Variants in CHODL observed in about 807,000 individuals in gnomAD.
CHODL encodes the protein chondrolectin, also known as transmembrane protein MT75.
A neutral mutation model predicts 34.5 loss-of-function variants in CHODL; 29 were observed. That is an observed-to-expected ratio of 0.84 (90% confidence interval 0.63 to 1.15). CHODL has a LOEUF of 1.15. Ranked by LOEUF, CHODL falls within the 50% of genes most tolerant of loss-of-function variation. CHODL has a pLI of 0.00. For synonymous variants in CHODL, 125 were observed against 116.1 expected, an observed-to-expected ratio of 1.08 and a Z score of -0.49; for missense variants, 332 against 332.5, an observed-to-expected ratio of 1.00 and a Z score of 0.01.
chr21:18,145,274 A>G (rs2072861794), intron 2 of CHODL, among the ~76,000 whole-genome samples: 1 of 146,830 alleles, frequency 6.8e-6, no homozygotes, highest in Non-Finnish European at 1.5e-5. Context: ...CGTCTCTACT[A>G]AAAATACAAA....
intron 2 of CHODL, among the ~76,000 whole-genome samples, chr21:18,033,471 T>C (rs2025206208): frequency 6.6e-6 from 1 of 152,084 alleles, no homozygotes; most frequent in South Asian, 2.1e-4. Context: ...CATAGCATCC[T>C]GCCACAAAAT....
At chr21:18,192,875 G>T (rs955699944) in intron 2 of CHODL, among the ~76,000 whole-genome samples, 9 of 151,348 alleles carry the variant, frequency 5.9e-5, no homozygotes, top group Admixed American at 5.3e-4. Context: ...TTTATGAAAA[G>T]AAAAGAAAGA....
intron 2 of CHODL, among the ~76,000 whole-genome samples, chr21:18,082,387 A>T (rs1364652298): frequency 6.6e-6 from 1 of 152,208 alleles, no homozygotes; most frequent in Non-Finnish European, 1.5e-5. Flanking sequence ...AGAAGTGTGA[A>T]AATTGACTAA....
chr21:18,267,302 G>A lies in CHODL; in HGVS notation c.*1264G>A, dbSNP rs981351911. On this transcript the variant is annotated 3_prime_UTR_variant, in exon 6 of 6. Coordinates refer to ENST00000299295, the MANE Select transcript of CHODL (RefSeq NM_024944.3). Reference sequence around the variant, plus strand: ...GCCTTGTTCTTCTCAAGAGAAAGTTGTAACTCTCTGGTCTTCATATGTCCC... The same window carrying A: ...GCCTTGTTCTTCTCAAGAGAAAGTTATAACTCTCTGGTCTTCATATGTCCC... 6.6e-6 allele frequency: 1 copy of A among 152,142 alleles called. No individual in the cohort carries two copies. The highest frequency in any genetic ancestry group is 2.4e-5 in the African/African-American group (1 of 41,434). The allele number at this position is 152,142 out of a possible 1,614,324, so 9.4% of individuals were successfully genotyped here.
intron 2 of CHODL, among the ~76,000 whole-genome samples, chr21:18,133,470 C>T (rs2072682461): frequency 6.6e-6 from 1 of 152,082 alleles, no homozygotes; most frequent in Non-Finnish European, 1.5e-5. Context: ...TTCACATACC[C>T]ATGCACACAC....
intron 1 of CHODL, among the ~76,000 whole-genome samples, chr21:17,975,659 A>C (rs573415254): frequency 1.3e-5 from 2 of 152,166 alleles, no homozygotes; most frequent in African/African-American, 4.8e-5. Flanking sequence ...ATTCTGCCAG[A>C]AGTATTCCTT....
chr21:17,940,454 T>G (rs1213649363), intron 1 of CHODL, among the ~76,000 whole-genome samples: 1 of 152,090 alleles, frequency 6.6e-6, no homozygotes, highest in Non-Finnish European at 1.5e-5. Context: ...AAAGAACAGT[T>G]CAATTTACCA....
chr21:18,234,890 A>C (rs2074015091), intron 2 of CHODL, among the ~76,000 whole-genome samples: 1 of 152,114 alleles, frequency 6.6e-6, no homozygotes, highest in Non-Finnish European at 1.5e-5. Context: ...GAAAAATTAA[A>C]TAGTATGAAA....
chr21:17,952,411 A>T (rs1283718003), intron 1 of CHODL, among the ~76,000 whole-genome samples: 1 of 152,114 alleles, frequency 6.6e-6, no homozygotes, highest in Non-Finnish European at 1.5e-5. Flanking sequence ...CCTCTGCAAT[A>T]ATGAATGCCA....
chr21:18,040,294 ACT>A (rs1439845265), intron 2 of CHODL, among the ~76,000 whole-genome samples: 5 of 151,706 alleles, frequency 3.3e-5, no homozygotes, highest in Non-Finnish European at 2.9e-5. Flanking sequence ...TTATCCCTTC[ACT>A]CTGTATTATC....
In CHODL at chr21:18,218,357, C is replaced by A. The variant is rs150268951; in HGVS notation, c.-44-38152C>A. On this transcript the variant is annotated intron_variant, in intron 2 of 6. Transcript: ENST00000400127. Reference sequence around the variant, plus strand: ...AGCTGCTAAGGCTTGGGGCTTGCACCCTCTGAAGCCATGGCCTGAACTGTA... The same window carrying A: ...AGCTGCTAAGGCTTGGGGCTTGCACACTCTGAAGCCATGGCCTGAACTGTA... Among the ~76,000 whole-genome samples the A allele has an allele frequency of 3.8e-3, 574 of 152,312 alleles. 3 individuals carry two copies. Among genetic ancestry groups the A allele is most frequent in the Non-Finnish European group, 6.2e-3 (421 of 68,034 alleles).
chr21:17,930,969 G>T (rs913201398), intron 1 of CHODL, among the ~76,000 whole-genome samples: 6 of 152,230 alleles, frequency 3.9e-5, no homozygotes, highest in African/African-American at 1.4e-4. Flanking sequence ...ATTGTGGCCT[G>T]GCGTTAGATG....
intron 1 of CHODL, among the ~76,000 whole-genome samples, chr21:17,928,110 G>A (rs981210726): frequency 6.6e-6 from 1 of 152,164 alleles, no homozygotes; most frequent in African/African-American, 2.4e-5. Context: ...TTTAAGGGTT[G>A]TTCTCATCTT....
At chr21:18,241,414 GGTTA>G (rs755167010), upstream of CHODL, among the ~76,000 whole-genome samples, 12 of 152,044 alleles carry the variant, frequency 7.9e-5, no homozygotes, top group East Asian at 3.9e-4. Context: ...AAATAATATT[GGTTA>G]GTTAATGTTG....
chr21:18,009,164 A>C (rs1268635457), intron 1 of CHODL, among the ~76,000 whole-genome samples: 4 of 152,190 alleles, frequency 2.6e-5, no homozygotes, highest in Admixed American at 2.6e-4. Context: ...TTTTTCATGA[A>C]TACAATTCCG....
intron 2 of CHODL, among the ~76,000 whole-genome samples, chr21:18,168,335 A>G (rs2073183325): frequency 6.6e-6 from 1 of 152,168 alleles, no homozygotes; most frequent in Non-Finnish European, 1.5e-5. Flanking sequence ...TGACTAATAC[A>G]TCTGGGGAGG....
chr21:18,229,557 T>G (rs553469978), intron 2 of CHODL, among the ~76,000 whole-genome samples: 481 of 152,272 alleles, frequency 3.2e-3, no homozygotes, highest in African/African-American at 0.011. Context: ...ATGTCCTATC[T>G]CATTTCCTTG....
chr21:18,158,030 G>T (rs535810744), intron 2 of CHODL, among the ~76,000 whole-genome samples: 2 of 147,248 alleles, frequency 1.4e-5, no homozygotes, highest in African/African-American at 5.0e-5. Context: ...GTTTTATAGC[G>T]TGCTTTGAGG....
chr21:17,947,541 A>G (rs1016501164), intron 1 of CHODL, among the ~76,000 whole-genome samples: 1 of 87,404 alleles, frequency 1.1e-5, no homozygotes, highest in East Asian at 7.8e-4. Flanking sequence ...AAACACACAC[A>G]CAGACACACA....
Sources: allele counts gnomAD v4.1 joint callset (sites outside exome capture counted in the v4.1 genomes callset), GRCh38; gene constraint gnomAD v4.1.1; transcripts MANE v1.5; gene names NCBI Gene and HGNC (gene_info 2026-07-23, HGNC 2026-07-21).